Variants in B4GALNT3 observed in about 807,000 individuals in gnomAD.
B4GALNT3 encodes the protein beta-1,4-N-acetylgalactosaminyltransferase 3.
In B4GALNT3, 86 loss-of-function variants were observed where a neutral mutation model predicts 120.2. That is an observed-to-expected ratio of 0.72 (90% CI 0.60 to 0.86). The LOEUF (loss-of-function observed/expected upper bound fraction) is 0.86. Among genes scored for constraint, B4GALNT3 ranks in the 40% least tolerant of loss-of-function variants. The pLI is 0.00. For missense variants in B4GALNT3, 1,167 were observed against 1,298.9 expected, an observed-to-expected ratio of 0.90 and a Z score of 1.56; for synonymous variants, 518 against 510.4, an observed-to-expected ratio of 1.01 and a Z score of -0.20.
At chr12:478,104 G>A (rs1946200974) in intron 1 of B4GALNT3, among the ~76,000 whole-genome samples, 1 of 151,970 alleles carries the variant, frequency 6.6e-6, no homozygotes, top group Non-Finnish European at 1.5e-5. Context: ...TTAAAAGTTA[G>A]CCAGGCATGG....
At chr12:463,843 CAG>C (rs1262906148) in intron 1 of B4GALNT3, among the ~76,000 whole-genome samples, 8 of 152,114 alleles carry the variant, frequency 5.3e-5, no homozygotes, top group Admixed American at 3.3e-4. Context: ...TTTGGTGAAA[CAG>C]AGGGTATAAG....
intron 1 of B4GALNT3, among the ~76,000 whole-genome samples, chr12:466,313 C>T (rs769208282): frequency 1.3e-5 from 2 of 152,108 alleles, no homozygotes; most frequent in Non-Finnish European, 2.9e-5. Flanking sequence ...GCAGAGCAGC[C>T]GACATAGCAG....
chr12:491,337 T>C (rs1337817645), intron 1 of B4GALNT3, among the ~76,000 whole-genome samples: 2 of 150,800 alleles, frequency 1.3e-5, no homozygotes, highest in African/African-American at 2.4e-5. Context: ...ACAAATTCTT[T>C]TTTTTTTTTT....
chr12:541,860 C>G (rs1454216273), intron 3 of B4GALNT3, among the ~76,000 whole-genome samples: 2 of 129,238 alleles, frequency 1.5e-5, no homozygotes, highest in African/African-American at 5.6e-5. Context: ...CACCCCCCCC[C>G]ACCCCCCGGC....
intron 1 of B4GALNT3, among the ~76,000 whole-genome samples, chr12:532,424 T>A (rs991609273): frequency 6.6e-6 from 1 of 152,244 alleles, no homozygotes; most frequent in African/African-American, 2.4e-5. Context: ...AGATGGATTT[T>A]ATCAAGTACT....
chr12:516,632 G>A (rs1592036469), intron 1 of B4GALNT3, among the ~76,000 whole-genome samples: 1 of 152,242 alleles, frequency 6.6e-6, no homozygotes, highest in African/African-American at 2.4e-5. Context: ...AGGGTAACAA[G>A]TGTAAACTGG....
chr12:516,221 A>G (rs1205346142), intron 1 of B4GALNT3, among the ~76,000 whole-genome samples: 1 of 152,220 alleles, frequency 6.6e-6, no homozygotes, highest in Non-Finnish European at 1.5e-5. Context: ...TAGATTTTAT[A>G]CACATGCACA....
At chr12:484,723 C>T (rs1460105884) in intron 1 of B4GALNT3, among the ~76,000 whole-genome samples, 3 of 149,356 alleles carry the variant, frequency 2.0e-5, no homozygotes, top group African/African-American at 7.4e-5. Flanking sequence ...AAGGATTAGG[C>T]AGGACAAGTC....
chr12:464,539 A>G (rs1946057889), intron 1 of B4GALNT3, among the ~76,000 whole-genome samples: 4 of 152,110 alleles, frequency 2.6e-5, no homozygotes, highest in Admixed American at 2.6e-4. Flanking sequence ...AGGCTGAGGC[A>G]GGAGAATTGC....
In B4GALNT3 at chr12:495,176, T is replaced by G. The variant is rs537125744; in HGVS notation, c.169+34631T>G. ...GCTCAGAAAGGTTAAATAACTTGTC[T>G]CAAGTTACACAGTCACACTGTAACA... On this transcript the variant is annotated intron_variant, in intron 1 of 19. Transcript: ENST00000266383. 2.0e-3 allele frequency among the ~76,000 whole-genome samples: 309 copies of G among 152,314 alleles called. 1 individual carries two copies. The highest frequency in any genetic ancestry group is 7.2e-3 in the African/African-American group (299 of 41,560).
chr12:539,211 G>A (rs1162969128), intron 3 of B4GALNT3, among the ~76,000 whole-genome samples: 2 of 152,124 alleles, frequency 1.3e-5, no homozygotes, highest in Admixed American at 6.5e-5. Flanking sequence ...GATGGCTAGG[G>A]GCCTGGGCTT....
chr12:554,619 T>C (rs1040663667), intron 14 of B4GALNT3, among the ~76,000 whole-genome samples: 2 of 150,170 alleles, frequency 1.3e-5, no homozygotes, highest in African/African-American at 4.9e-5. Flanking sequence ...TGAAACCCCG[T>C]CTCTACTAAA....
At chr12:471,903 G>C (rs1181028860) in intron 1 of B4GALNT3, among the ~76,000 whole-genome samples, 1 of 152,072 alleles carries the variant, frequency 6.6e-6, no homozygotes, top group Non-Finnish European at 1.5e-5. Flanking sequence ...CTTACCTTGT[G>C]GAGGGCTTTA....
chr12:529,059 CA>C (rs1946782478), intron 1 of B4GALNT3, among the ~76,000 whole-genome samples: 1 of 152,192 alleles, frequency 6.6e-6, no homozygotes, highest in Non-Finnish European at 1.5e-5. Flanking sequence ...CCAGCCCTCC[CA>C]GGCCTCTCCT....
rs1946846130 is a variant in B4GALNT3, at chr12:535,193, A to C, written c.197A>C (p.Lys66Thr). ...TACGGCAGCTGGAGAGAACTGGCCAAGGCTCTGGCCAGCAGGAACATTCCA... is the reference window on the plus strand; with the variant it reads ...TACGGCAGCTGGAGAGAACTGGCCACGGCTCTGGCCAGCAGGAACATTCCA... The part of the protein sequence containing the change: ...RRYGSWRELA[K>T]ALASRNIPAV... The change falls in exon 2 of 20, where the codon AAG becomes ACG. Residue 66 changes from lysine to threonine, a missense_variant. Transcript: ENST00000266383. 6.2e-7 allele frequency: 1 copy of C among 1,613,600 alleles called. No homozygotes were observed.
At chr12:535,017 C>T (rs1946843975) in intron 1 of B4GALNT3, 149 bp from the exon 2 acceptor site, 2 of 600,098 alleles carry the variant, frequency 3.3e-6, no homozygotes, top group South Asian at 2.3e-5. Context: ...GCAGCTATCT[C>T]CTGCCCCCAG....
intron 1 of B4GALNT3, among the ~76,000 whole-genome samples, chr12:524,859 C>T (rs573621718): frequency 2.0e-5 from 3 of 152,206 alleles, no homozygotes; most frequent in East Asian, 3.9e-4. Context: ...GACTGGCCTG[C>T]GCAAACGCAC....
chr12:559,420 A>G lies in B4GALNT3; in HGVS notation c.2887A>G (p.Arg963Gly). Residue 963 changes from arginine (R) to glycine (G), a missense_variant and splice_region_variant, in exon 19 of 20, where the codon AGG becomes GGG. Coordinates refer to ENST00000266383, the MANE Select transcript of B4GALNT3 (RefSeq NM_173593.4). ...CGGGGAAGACTGGGAGCTGCTGGACAGGTGACTGGGAAGAGGAGGGCATCC... is the reference window on the plus strand; with the variant it reads ...CGGGGAAGACTGGGAGCTGCTGGACGGGTGACTGGGAAGAGGAGGGCATCC... ...WGGEDWELLD[R>G]ILQAGLDVER... 6.2e-7 allele frequency: 1 copy of G among 1,613,648 alleles called. No homozygotes were observed. Among genetic ancestry groups the G allele is most frequent in the East Asian group, 2.2e-5 (1 of 44,848 alleles).
At chr12:513,202 C>T (rs28807403) in intron 1 of B4GALNT3, among the ~76,000 whole-genome samples, 23,495 of 143,234 alleles carry the variant, frequency 0.16, 2,128 homozygotes, top group South Asian at 0.25. Context: ...CACCTTCCAC[C>T]TTCCACCTTC....
Sources: allele counts gnomAD v4.1 joint callset (sites outside exome capture counted in the v4.1 genomes callset), GRCh38; gene constraint gnomAD v4.1.1; transcripts MANE v1.5; gene names NCBI Gene and HGNC (gene_info 2026-07-23, HGNC 2026-07-21).